CACNA2D3: variants seen among roughly 807,000 people sequenced by gnomAD.
CACNA2D3 encodes the protein calcium voltage-gated channel auxiliary subunit alpha2delta 3, also known as voltage-dependent calcium channel subunit alpha-2/delta-3.
A neutral mutation model predicts 160.6 loss-of-function variants in CACNA2D3; 60 were observed. The ratio of observed to expected loss-of-function variants is 0.37; its 90% CI spans 0.30 to 0.46. The LOEUF (loss-of-function observed/expected upper bound fraction) is 0.46. Ranked by LOEUF, CACNA2D3 falls within the 20% of genes least tolerant of loss-of-function variation. The pLI is 1.00. For synonymous variants in CACNA2D3, 558 were observed against 492.9 expected (o/e 1.13, Z -1.75); for missense variants, 1,205 against 1,365.0 (o/e 0.88, Z 1.85).
At chr3:54,392,506 T>C (rs1285757007) in intron 4 of CACNA2D3, among the ~76,000 whole-genome samples, 1 of 152,194 alleles carries the variant, frequency 6.6e-6, no homozygotes, top group East Asian at 1.9e-4. Context: ...TTTTCTTTGT[T>C]GTTTTGTAAG....
At chr3:54,310,465 CAT>C (rs1703712852) in intron 2 of CACNA2D3, among the ~76,000 whole-genome samples, 1 of 152,142 alleles carries the variant, frequency 6.6e-6, no homozygotes, top group Admixed American at 6.5e-5. Flanking sequence ...TCTTTAGTAA[CAT>C]ATCTAAAAAT....
At chr3:54,443,028 A>G (rs899830842) in intron 4 of CACNA2D3, among the ~76,000 whole-genome samples, 5 of 152,160 alleles carry the variant, frequency 3.3e-5, no homozygotes, top group Non-Finnish European at 7.3e-5. Flanking sequence ...ATACCTACCT[A>G]GAAGAGGGGG....
Position 54,717,583 on chromosome 3 carries a change from C to T in CACNA2D3, c.1168-35016C>T, listed in dbSNP as rs932923199. ...TGTGTGTGTGTGGTGTGTATGTGTGCGTGTGTGTGCATACATTCGTGTGTG... is the reference window on the plus strand; with the variant it reads ...TGTGTGTGTGTGGTGTGTATGTGTGTGTGTGTGTGCATACATTCGTGTGTG... On this transcript the variant is annotated intron_variant, in intron 11 of 37. Transcript: ENST00000474759. Among the ~76,000 whole-genome samples the T allele has an allele frequency of 4.8e-4, 51 of 107,364 alleles. 1 individual carries two copies. Among genetic ancestry groups the T allele is most frequent in the South Asian group, 3.6e-3 (11 of 3,058 alleles). 70.4% of individuals were successfully genotyped at this position (107,364 alleles called of 152,430 possible).
intron 2 of CACNA2D3, among the ~76,000 whole-genome samples, chr3:54,260,260 CCAAGGATGTGT>C (rs1416237043): frequency 9.9e-5 from 15 of 152,100 alleles, no homozygotes; most frequent in Admixed American, 2.0e-4. Context: ...TTTCAAGGCC[CCAAGGATGTGT>C]CTCTGTCTTA....
chr3:54,178,146 T>G (rs1035224516), intron 2 of CACNA2D3, among the ~76,000 whole-genome samples: 10 of 152,208 alleles, frequency 6.6e-5, no homozygotes, highest in Admixed American at 5.2e-4. Context: ...GTCCAGACCC[T>G]TCTCTGGAGG....
At chr3:54,733,363 A>G (rs1453168054) in intron 11 of CACNA2D3, among the ~76,000 whole-genome samples, 1 of 152,164 alleles carries the variant, frequency 6.6e-6, no homozygotes, top group East Asian at 1.9e-4. Context: ...TTTGGGAGAA[A>G]TATGAGCTGT....
At chr3:54,279,010 A>G (rs1172885397) in intron 2 of CACNA2D3, among the ~76,000 whole-genome samples, 3 of 152,344 alleles carry the variant, frequency 2.0e-5, no homozygotes, top group Non-Finnish European at 4.4e-5. Context: ...TTGACAGCCC[A>G]GCTACAGAGC....
intron 27 of CACNA2D3, 131 bp downstream of exon 27, chr3:54,899,999 TC>T (rs1412477063): frequency 9.3e-5 from 61 of 656,274 alleles, no homozygotes; most frequent in African/African-American, 9.2e-4. Flanking sequence ...TTAAATTACT[TC>T]CTTCTCAGCT....
chr3:54,146,016 A>T (rs549000037), intron 2 of CACNA2D3, among the ~76,000 whole-genome samples: 1 of 151,506 alleles, frequency 6.6e-6, no homozygotes, highest in African/African-American at 2.4e-5. Flanking sequence ...ATTTTTTAAA[A>T]CCTGTATTAT....
chr3:54,852,822 A>C (rs1699087004), intron 17 of CACNA2D3, among the ~76,000 whole-genome samples: 1 of 152,238 alleles, frequency 6.6e-6, no homozygotes, highest in African/African-American at 2.4e-5. Context: ...TAGACAGTGC[A>C]CATCAAACAT....
At chr3:54,235,213 C>CA (rs1301586373) in intron 2 of CACNA2D3, among the ~76,000 whole-genome samples, 1 of 152,126 alleles carries the variant, frequency 6.6e-6, no homozygotes, top group African/African-American at 2.4e-5. Flanking sequence ...GCTAGAGGGA[C>CA]AGAGGGGTCA....
intron 12 of CACNA2D3, among the ~76,000 whole-genome samples, 172 bp from the exon 13 acceptor site, chr3:54,764,046 G>T (rs1402678284): frequency 6.6e-6 from 1 of 151,316 alleles, no homozygotes; most frequent in South Asian, 2.1e-4. Flanking sequence ...CATAAAGTGG[G>T]TGATCGGGGA....
intron 2 of CACNA2D3, among the ~76,000 whole-genome samples, chr3:54,228,389 C>T (rs1475362716): frequency 6.6e-6 from 1 of 152,160 alleles, no homozygotes; most frequent in Non-Finnish European, 1.5e-5. Flanking sequence ...AGAATGATAC[C>T]TGCCTGTCAC....
chr3:54,863,145 A>G (rs1466686069), intron 17 of CACNA2D3, among the ~76,000 whole-genome samples: 1 of 152,214 alleles, frequency 6.6e-6, no homozygotes. Flanking sequence ...TGGAGAAGGC[A>G]TATATCCACG....
At chr3:55,073,405 G>A (rs762002727) in intron 35 of CACNA2D3, 40 bp from the exon 36 acceptor site, 93 of 1,473,504 alleles carry the variant, frequency 6.3e-5, no homozygotes, top group East Asian at 2.3e-4. Context: ...TTTAATTGAC[G>A]GATGGTAAAT....
intron 3 of CACNA2D3, among the ~76,000 whole-genome samples, chr3:54,328,081 A>G (rs533762797): frequency 2.0e-4 from 31 of 152,348 alleles, no homozygotes; most frequent in South Asian, 6.2e-4. Context: ...TGATGCATTT[A>G]TTAGGATGTA....
chr3:54,985,741 G>T (rs1241186282), intron 30 of CACNA2D3, among the ~76,000 whole-genome samples: 1 of 152,162 alleles, frequency 6.6e-6, no homozygotes, highest in Non-Finnish European at 1.5e-5. Flanking sequence ...CTTAAGTGTG[G>T]CTTCTTAGGG....
intron 3 of CACNA2D3, among the ~76,000 whole-genome samples, chr3:54,355,970 G>C (rs1353154071): frequency 6.6e-6 from 1 of 152,144 alleles, no homozygotes; most frequent in Admixed American, 6.5e-5. Flanking sequence ...CCACGGAACT[G>C]CTAAGTCCTT....
In CACNA2D3 at chr3:54,926,977, C is replaced by T. The variant is rs554667218; in HGVS notation, c.2449+27109C>T. Among the ~76,000 whole-genome samples, 5 of 151,936 alleles carry T rather than the reference C, an allele frequency of 3.3e-5. No individual in the cohort carries two copies. In the East Asian group the frequency reaches 9.7e-4, roughly 29 times the overall value. ...AACACTCCCTTCTTTTTTTTTGAGA[C>T]TTGAATTTCAAAATATGACAAACAT... On this transcript the variant is annotated intron_variant, in intron 27 of 37. Coordinates refer to ENST00000474759, the MANE Select transcript of CACNA2D3 (RefSeq NM_018398.3).
Sources: allele counts gnomAD v4.1 joint callset (sites outside exome capture counted in the v4.1 genomes callset), GRCh38; gene constraint gnomAD v4.1.1; transcripts MANE v1.5; gene names NCBI Gene and HGNC (gene_info 2026-07-23, HGNC 2026-07-21).